Variants in MTCL1 observed in about 807,000 individuals in gnomAD.
MTCL1 encodes the protein microtubule crosslinking factor 1.
A neutral mutation model predicts 141.4 loss-of-function variants in MTCL1; 79 were observed. The observed-to-expected ratio is 0.56, with a 90% CI of 0.47 to 0.67. MTCL1 has a LOEUF of 0.67. MTCL1 is among the 30% of genes least tolerant of loss of function. The pLI is 0.00. For missense variants in MTCL1, 2,177 were observed against 2,113.9 expected, an observed-to-expected ratio of 1.03 and a Z score of -0.59; for synonymous variants, 914 against 875.8, an observed-to-expected ratio of 1.04 and a Z score of -0.77.
At chr18:8,718,567 A>G (rs1364401024) in exon 3 of MTCL1, 4 of 1,614,134 alleles carry the variant, frequency 2.5e-6, no homozygotes, top group South Asian at 2.2e-5. Flanking sequence ...GTCTTCGGAA[A>G]GCCGAGCAGA....
rs185287990 is a variant in MTCL1, at chr18:8,779,152, C to T, written c.417+1260C>T. Among the ~76,000 whole-genome samples, 275 of 152,336 alleles carry T rather than the reference C, an allele frequency of 1.8e-3. No homozygotes were observed. The highest frequency in any genetic ancestry group is 2.8e-3 in the Non-Finnish European group (193 of 68,032). On this transcript the variant is annotated intron_variant, in intron 5 of 16. Transcript: ENST00000359865. This position sits in a 1 kb window ranked among gnomAD's most constrained non-coding sequence, Gnocchi z 4.1. ...TCACCCGCTCAGGGTGCTGGCTGGACGGCTGACTTGCAAGCCAAAGAATAT... is the reference window on the plus strand; with the variant it reads ...TCACCCGCTCAGGGTGCTGGCTGGATGGCTGACTTGCAAGCCAAAGAATAT...
At chr18:8,728,033 C>G (rs1214251470) in intron 4 of MTCL1, among the ~76,000 whole-genome samples, 1 of 152,172 alleles carries the variant, frequency 6.6e-6, no homozygotes, top group Admixed American at 6.5e-5. Flanking sequence ...AAGTTTAAAA[C>G]TAATCATTAG....
chr18:8,734,425 A>G (rs1490171529), intron 4 of MTCL1, among the ~76,000 whole-genome samples: 1 of 152,102 alleles, frequency 6.6e-6, no homozygotes, highest in Non-Finnish European at 1.5e-5. Context: ...GTCTCAGGTC[A>G]CACCCTGCTC....
intron 1 of MTCL1, among the ~76,000 whole-genome samples, chr18:8,709,087 C>A (rs2096072998): frequency 1.3e-5 from 2 of 152,172 alleles, no homozygotes; most frequent in African/African-American, 4.8e-5. Flanking sequence ...CTTCAGGGAC[C>A]CCCTGTGGCA....
At chr18:8,776,043 A>T (rs1568010736) in intron 4 of MTCL1, among the ~76,000 whole-genome samples, 2 of 152,212 alleles carry the variant, frequency 1.3e-5, no homozygotes, top group African/African-American at 4.8e-5. Context: ...TCTAACTGCG[A>T]TGTAAGGGAC....
At chr18:8,784,505 G>C (rs1433880000) in exon 6 of MTCL1, 2 of 1,596,026 alleles carry the variant, frequency 1.3e-6, no homozygotes, top group Non-Finnish European at 1.7e-6. Flanking sequence ...CCAGCGGCTA[G>C]AGCGGACGGT....
intron 1 of MTCL1, among the ~76,000 whole-genome samples, chr18:8,709,662 C>G (rs1258493994): frequency 2.0e-5 from 3 of 152,088 alleles, no homozygotes; most frequent in African/African-American, 7.2e-5. Context: ...TGGAGCATTC[C>G]AAGTAAGTGC....
chr18:8,829,504 A>G (rs1477118661), intron 16 of MTCL1: 9 of 953,382 alleles, frequency 9.4e-6, no homozygotes, highest in African/African-American at 3.5e-5. Flanking sequence ...TAAATGCTCA[A>G]TAAATATTTG....
chr18:8,831,394 G>T, intron 16 of MTCL1: 1 of 1,394,810 alleles, frequency 7.2e-7, no homozygotes, highest in Non-Finnish European at 9.3e-7. Flanking sequence ...AATCATAATT[G>T]GTCTCTTCCC....
chr18:8,779,379 G>T lies in MTCL1; in HGVS notation c.417+1487G>T, dbSNP rs1303031522. On this transcript the variant is annotated intron_variant, in intron 5 of 16. Transcript: ENST00000359865. The surrounding 1 kb of genome is among the most constrained non-coding windows in gnomAD (Gnocchi z 4.1). ...CCAATGATCTCTCGAAACCAGAAAT[G>T]ATATGCTTCAGTTTAGACTCGGCCT... 3.3e-5 allele frequency among the ~76,000 whole-genome samples: 5 copies of T among 152,138 alleles called. No homozygotes were observed. The highest frequency in any genetic ancestry group is 7.4e-5 in the Non-Finnish European group (5 of 68,024).
At chr18:8,778,098 T>C (rs921096232) in intron 5 of MTCL1, 53 of 470,810 alleles carry the variant, frequency 1.1e-4, no homozygotes, top group Non-Finnish European at 1.9e-4. Flanking sequence ...TCCCTCACGC[T>C]GACAAGCTGG....
At position 8,828,093 on chromosome 18, in the gene MTCL1, A is replaced by T. The variant is rs895566672; in HGVS notation, c.4723-815A>T. 6.6e-6 allele frequency among the ~76,000 whole-genome samples: 1 copy of T among 151,960 alleles called. No homozygotes were observed. The highest frequency in any genetic ancestry group is 1.5e-5 in the Non-Finnish European group (1 of 67,998). On this transcript the variant is annotated intron_variant, in intron 15 of 16. Transcript: ENST00000359865. This position sits in a 1 kb window ranked among gnomAD's most constrained non-coding sequence, Gnocchi z 5.2. ...CTAGATTCCAGTGGGATTGTTCTGA[A>T]TTGATGTAATATATTCAGGCCATTG...
At chr18:8,809,853 A>G (rs1356495789) in intron 11 of MTCL1, 6 of 453,942 alleles carry the variant, frequency 1.3e-5, no homozygotes, top group Non-Finnish European at 2.0e-5. Flanking sequence ...GGCTGGGCTG[A>G]AGATGTATAT....
intron 8 of MTCL1, among the ~76,000 whole-genome samples, chr18:8,795,294 G>T (rs1490543210): frequency 1.3e-5 from 2 of 152,140 alleles, no homozygotes; most frequent in Non-Finnish European, 1.5e-5. Context: ...CCCTTACTTG[G>T]TTTTTGGCAT....
rs773958752 is a variant in MTCL1 at position 8,768,789 on chromosome 18, C to CTTTTTTTTTTTT, written c.358-9035_358-9024dup. ...AGGTGGGAACAGATTCTTTTCTTCTCTTTTTTTTTTTTTTTTTTTTGAGAT... is the reference window on the plus strand; with the variant it reads ...AGGTGGGAACAGATTCTTTTCTTCTCTTTTTTTTTTTTTTTTTTTTTTTTTTTTTTTTGAGAT... On this transcript the variant is annotated intron_variant, in intron 4 of 16. Transcript: ENST00000359865. Among the ~76,000 whole-genome samples, 5 of 117,896 alleles carry CTTTTTTTTTTTT rather than the reference C, an allele frequency of 4.2e-5. 1 individual carries two copies. The highest frequency in any genetic ancestry group is 3.6e-5 in the African/African-American group (1 of 27,848). 77.3% of individuals were successfully genotyped at this position (117,896 alleles called of 152,430 possible).
At chr18:8,789,749 T>A (rs2075653859) in intron 7 of MTCL1, 1 of 975,732 alleles carries the variant, frequency 1.0e-6, no homozygotes, top group Non-Finnish European at 1.2e-6. Flanking sequence ...AGGGTTTTTT[T>A]TAGAATCAAA....
intron 16 of MTCL1, chr18:8,829,399 A>G (rs2077126284): frequency 2.0e-6 from 2 of 985,190 alleles, no homozygotes; most frequent in South Asian, 9.4e-5. Context: ...CCCTAATGTG[A>G]TAAGGCTTTT....
intron 10 of MTCL1, 25 bp downstream of exon 9, chr18:8,798,316 C>A: frequency 6.8e-7 from 1 of 1,469,230 alleles, no homozygotes; most frequent in South Asian, 1.5e-5. Flanking sequence ...CCGAGCCTGT[C>A]GCCCTGCCCA....
At position 8,768,842 on chromosome 18, in the gene MTCL1, A is replaced by T. The variant is rs2096471986; in HGVS notation, c.358-8991A>T. ...AGTCTCGCTCTGTCACCCAGGCTGG[A>T]GTGCAGTGGCGCGATCTTGGCTCAC... On this transcript the variant is annotated intron_variant, in intron 4 of 16. Transcript: ENST00000359865. Among the ~76,000 whole-genome samples, 5 of 129,694 alleles carry T rather than the reference A, an allele frequency of 3.9e-5. No individual in the cohort carries two copies. In the South Asian group the frequency reaches 1.2e-3, roughly 31 times the overall value. The allele number at this position is 129,694 out of a possible 152,430, so 85.1% of individuals were successfully genotyped here. A position where few individuals can be genotyped will look rare whatever the true frequency, so the allele number is the denominator to read the frequency against.
Sources: allele counts gnomAD v4.1 joint callset (sites outside exome capture counted in the v4.1 genomes callset), GRCh38; gene constraint gnomAD v4.1.1; non-coding constraint Gnocchi (gnomAD v3.1); transcripts MANE v1.5; gene names NCBI Gene and HGNC (gene_info 2026-07-23, HGNC 2026-07-21).